Variants in TTN observed in about 807,000 individuals in gnomAD.
The protein encoded by TTN is connectin.
TTN carries 1,525 observed loss-of-function variants against 3,223.0 expected under a neutral mutation model. The observed-to-expected ratio is 0.47, with a 90% CI of 0.45 to 0.49. The LOEUF (loss-of-function observed/expected upper bound fraction) is 0.49. TTN is among the 20% of genes least tolerant of loss of function. The probability of loss-of-function intolerance (pLI) is 0.00; values close to 1 mark genes in which losing one functional copy is unlikely to be tolerated. For missense variants in TTN, 40,786 were observed against 43,424.0 expected (o/e 0.94, Z 5.40); for synonymous variants, 14,094 against 15,161.0 (o/e 0.93, Z 5.17).
chr2:178,547,665 C>T lies in TTN; in HGVS notation c.93961G>A (p.Val31321Ile), dbSNP rs794729535. The change falls in exon 339 of 363, where the codon GTC becomes ATC. Residue 31321 changes from valine to isoleucine, a missense_variant. Physicochemically the swap from Val to Ile is conservative, Grantham distance 29 (BLOSUM62 3). Coordinates refer to ENST00000589042, the MANE Select transcript of TTN (RefSeq NM_001267550.2). ...GACAGGACACACGATTCAGCTGAGA[C>T]AGATGAGACCTCAATGGGGCCGGTT... ...PVTGPIEVSS[V>I]SAESCVLSWG... 1.2e-6 allele frequency: 2 copies of T among 1,613,918 alleles called. No homozygotes were observed. Among genetic ancestry groups the T allele is most frequent in the Admixed American group, 1.7e-5 (1 of 60,006 alleles).
chr2:178,726,963 C>A (rs1278182152), intron 69 of TTN, 127 bp downstream of exon 69: 5 of 1,004,114 alleles, frequency 5.0e-6, no homozygotes, highest in Non-Finnish European at 5.3e-6. Context: ...GGAAATAATA[C>A]TAGCTCAGAA....
chr2:178,615,776 C>T lies in TTN; in HGVS notation c.48325G>A (p.Val16109Met). 6.2e-7 allele frequency: 1 copy of T among 1,611,340 alleles called. No individual in the cohort carries two copies. Among genetic ancestry groups the T allele is most frequent in the Non-Finnish European group, 8.5e-7 (1 of 1,178,506 alleles). The change falls in exon 258 of 363, where the codon GTG becomes ATG. Residue 16109 changes from valine to methionine, a missense_variant. Coordinates refer to ENST00000589042, the MANE Select transcript of TTN (RefSeq NM_001267550.2). The stretch of plus-strand genomic sequence containing the variant: ...GGAACTGTGAATTCTAGATCAGTCA[C>T]AAAGTCCATAACCTGGGACAAAGAA... ...RKTWTKVMDFVTDLEFTVPDL... is the reference protein window; with the variant it reads ...RKTWTKVMDFMTDLEFTVPDL...
chr2:178,633,119 T>G, intron 233 of TTN, 68 bp downstream of exon 233: 1 of 1,599,106 alleles, frequency 6.3e-7, no homozygotes, highest in East Asian at 2.3e-5. Context: ...TCAAGATATT[T>G]TATGCCTTTT....
chr2:178,688,263 A>T (rs1483963017), intron 126 of TTN, 39 bp from the exon 127 acceptor site: 1 of 1,569,836 alleles, frequency 6.4e-7, no homozygotes. Flanking sequence ...CAGCCTGCTG[A>T]GATACAGATG....
chr2:178,552,337 GTAA>G lies in TTN; in HGVS notation c.90560_90562del (p.Ile30187del). 6.2e-7 allele frequency: 1 copy of G among 1,602,008 alleles called. No homozygotes were observed. Among genetic ancestry groups the G allele is most frequent in the East Asian group, 2.2e-5 (1 of 44,738 alleles). ...CTTCTTGGCATTCTTAATACTCAAA[GTAA>G]TTTTGTTTTCAGTTTTACTGAAGCG... On this transcript the variant is annotated inframe_deletion, in exon 335 of 363. Transcript: ENST00000589042.
Position 178,526,667 on chromosome 2 carries a change from A to AGATT in TTN, c.*341_*344dup, listed in dbSNP as rs1686534432. On this transcript the variant is annotated 3_prime_UTR_variant, in exon 363 of 363. Transcript: ENST00000589042. The stretch of plus-strand genomic sequence containing the variant: ...ACATCAACAGTATGTTGAGGCACAA[A>AGATT]GATTGATTAAATGTTGAGCAGGGTA... 1 of 183,942 alleles carries AGATT rather than the reference A, an allele frequency of 5.4e-6. No individual in the cohort carries two copies. Among genetic ancestry groups the AGATT allele is most frequent in the Non-Finnish European group, 1.1e-5 (1 of 87,616 alleles). The allele number at this position is 183,942 out of a possible 1,614,324, so 11.4% of individuals were successfully genotyped here. A position where few individuals can be genotyped will look rare whatever the true frequency, so the allele number is the denominator to read the frequency against.
In TTN at chr2:178,721,221, C is replaced by T; in HGVS notation, c.22817-19G>A. 9 of 1,559,092 alleles carry T rather than the reference C, an allele frequency of 5.8e-6. No homozygotes were observed. The highest frequency in any genetic ancestry group is 7.8e-6 in the Non-Finnish European group (9 of 1,150,972). On this transcript the variant is annotated intron_variant, in intron 78 of 362. Coordinates refer to ENST00000589042, the MANE Select transcript of TTN (RefSeq NM_001267550.2). ...GGAGGTTCTAGTAAACCAAACAAAACAGTCAGTAAGGGATATTTATTATAC... is the reference window on the plus strand; with the variant it reads ...GGAGGTTCTAGTAAACCAAACAAAATAGTCAGTAAGGGATATTTATTATAC...
chr2:178,595,755 G>A lies in TTN; in HGVS notation c.57599C>T (p.Ser19200Phe). Residue 19200 changes from serine to phenylalanine, a missense_variant, in exon 295 of 363, where the codon TCC becomes TTC. Transcript: ENST00000589042. Reference protein sequence around the residue: ...PFLAHNLTNESCKLTWFSPED... With the variant: ...PFLAHNLTNEFCKLTWFSPED... ...TGGAGAAAACCATGTCAGTTTGCAGGACTCATTGGTTAGGTTGTGAGCTAG... is the reference window on the plus strand; with the variant it reads ...TGGAGAAAACCATGTCAGTTTGCAGAACTCATTGGTTAGGTTGTGAGCTAG... 1 of 1,609,172 alleles carries A rather than the reference G, an allele frequency of 6.2e-7. No individual in the cohort carries two copies. Among genetic ancestry groups the A allele is most frequent in the South Asian group, 1.1e-5 (1 of 89,810 alleles).
At position 178,610,375 on chromosome 2, in the gene TTN, A is replaced by G. The variant is rs781155992; in HGVS notation, c.51151T>C (p.Cys17051Arg). The G allele has an allele frequency of 6.2e-7, 1 of 1,612,592 alleles. No homozygotes were observed. The highest frequency in any genetic ancestry group is 1.1e-5 in the South Asian group (1 of 91,028). Reference sequence around the variant, plus strand: ...ATGTCACTTGCTTTAATATCTTTGCATGGTCCAGGTAGGCCTATTACAAAA... The same window carrying G: ...ATGTCACTTGCTTTAATATCTTTGCGTGGTCCAGGTAGGCCTATTACAAAA... ...NVKVIGLPGP[C>R]KDIKASDITK... Residue 17051 changes from cysteine to arginine, a missense_variant, in exon 271 of 363, where the codon TGC becomes CGC. Transcript: ENST00000589042.
Position 178,592,997 on chromosome 2 carries a change from C to A in TTN, c.59122G>T (p.Gly19708Cys). Residue 19708 changes from glycine to cysteine, a missense_variant, in exon 300 of 363, where the codon GGT becomes TGT. Physicochemically the swap from Gly to Cys is radical, Grantham distance 159. Coordinates refer to ENST00000589042, the MANE Select transcript of TTN (RefSeq NM_001267550.2). ...ATATAACCCAGAATCTTGCTCCCAC[C>A]ATCATGACGTGGTGGCTGCCAAGTT... The part of the protein sequence containing the change: ...DLTWQPPRHD[G>C]GSKILGYIVE... 2.5e-6 allele frequency: 4 copies of A among 1,613,454 alleles called. No individual in the cohort carries two copies. The highest frequency in any genetic ancestry group is 3.4e-6 in the Non-Finnish European group (4 of 1,179,614).
At chr2:178,732,009 G>A (rs1466051216) in intron 57 of TTN, 38 bp from the exon 58 acceptor site, 2 of 1,590,690 alleles carry the variant, frequency 1.3e-6, no homozygotes, top group Admixed American at 3.4e-5. Context: ...TAAGGGAGGA[G>A]GGGTCTGTGC....
Position 178,620,775 on chromosome 2 carries a change from C to G in TTN, c.45835G>C (p.Val15279Leu). The change falls in exon 247 of 363, where the codon GTG becomes CTG. Residue 15279 changes from valine to leucine, a missense_variant. By Grantham distance (32) the Val-to-Leu change is conservative (BLOSUM62 1). Coordinates refer to ENST00000589042, the MANE Select transcript of TTN (RefSeq NM_001267550.2). ...TCACCTCTGTGATTGGTCAAAGACACATTATAGTTGGCTTGGTCATCTAAG... is the reference window on the plus strand; with the variant it reads ...TCACCTCTGTGATTGGTCAAAGACAGATTATAGTTGGCTTGGTCATCTAAG... The part of the protein sequence containing the change: ...AHLDDQANYN[V>L]SLTNHRGENV... 1 of 1,612,800 alleles carries G rather than the reference C, an allele frequency of 6.2e-7. No homozygotes were observed. The highest frequency in any genetic ancestry group is 1.1e-5 in the South Asian group (1 of 91,048).
chr2:178,745,881 A>T (rs750942185), intron 47 of TTN: 1 of 1,612,268 alleles, frequency 6.2e-7, no homozygotes, highest in African/African-American at 1.3e-5. Context: ...ACCACCTGAA[A>T]TTCAAAAAAA....
rs751394805 is a variant in TTN, at chr2:178,549,813, T to C, written c.91909A>G (p.Met30637Val). 4.4e-6 allele frequency: 7 copies of C among 1,605,194 alleles called. No homozygotes were observed. Among genetic ancestry groups the C allele is most frequent in the Non-Finnish European group, 6.0e-6 (7 of 1,173,540 alleles). ...AGTGGGGCATCCCACCACAGAGTCA[T>C]CTTCTCCCCAGTAATATTGGTGAAT... Reference protein sequence around the residue: ...IRFTNITGEKMTLWWDAPLND... With the variant: ...IRFTNITGEKVTLWWDAPLND... Residue 30637 changes from methionine to valine, a missense_variant, in exon 338 of 363, where the codon ATG (methionine) becomes GTG (valine). Transcript: ENST00000589042.
Position 178,724,527 on chromosome 2 carries a change from T to C in TTN, c.20848A>G (p.Ile6950Val), listed in dbSNP as rs549440035. 1.9e-6 allele frequency: 3 copies of C among 1,593,066 alleles called. No homozygotes were observed. Among genetic ancestry groups the C allele is most frequent in the African/African-American group, 2.7e-5 (2 of 74,306 alleles). The change falls in exon 72 of 363, where the codon ATT (isoleucine) becomes GTT (valine). Residue 6950 changes from isoleucine (I) to valine (V), a missense_variant. Coordinates refer to ENST00000589042, the MANE Select transcript of TTN (RefSeq NM_001267550.2). ...GTCATCGGTCCTGCCTTCTCAACAA[T>C]GACTGCGGGCTCTGAAATAAAACGT... ...ATLMVLEPAV[I>V]VEKAGPMTVT...
In TTN at chr2:178,560,948, C is replaced by A. The variant is rs2154159192; in HGVS notation, c.85184G>T (p.Gly28395Val). Reference sequence around the variant, plus strand: ...TCTTGCTCTTTCTTCAATTTCTATACCATCCTTGGCCCAGGAAATTACTGG... The same window carrying A: ...TCTTGCTCTTTCTTCAATTTCTATAACATCCTTGGCCCAGGAAATTACTGG... ...PLPVISWAKD[G>V]IEIEERARTE... The change falls in exon 326 of 363, where the codon GGT (glycine) becomes GTT (valine). Residue 28395 changes from glycine to valine, a missense_variant. Physicochemically the swap from Gly to Val is moderately radical, Grantham distance 109. Coordinates refer to ENST00000589042, the MANE Select transcript of TTN (RefSeq NM_001267550.2). The A allele has an allele frequency of 1.2e-6, 2 of 1,613,804 alleles. No individual in the cohort carries two copies. Among genetic ancestry groups the A allele is most frequent in the Non-Finnish European group, 8.5e-7 (1 of 1,179,804 alleles).
rs2163009 is a variant in TTN at position 178,590,480 on chromosome 2, T to C, written c.61245A>G (p.Thr20415=). Residue 20415 remains threonine (T), a synonymous_variant, in exon 304 of 363, where the codon ACA becomes ACG. Coordinates refer to ENST00000589042, the MANE Select transcript of TTN (RefSeq NM_001267550.2). ...GYVVECQKPG[T]AQWNRINKDE... is the part of the protein sequence containing the mutation. The stretch of plus-strand genomic sequence containing the variant: ...CTTTATTAATCCTGTTCCATTGTGC[T>C]GTGCCAGGTTTCTGACATTCCACTA... 0.28 allele frequency: 449,935 copies of C among 1,612,664 alleles called. 75,669 individuals carry two copies. The highest frequency in any genetic ancestry group is 0.7 in the East Asian group (31,293 of 44,742).
Position 178,723,914 on chromosome 2 carries a change from T to A in TTN, c.21345A>T (p.Thr7115=), listed in dbSNP as rs758613310. The change falls in exon 73 of 363, where the codon ACA becomes ACT. Residue 7115 remains threonine (T), a synonymous_variant. Transcript: ENST00000589042. Reference sequence around the variant, plus strand: ...ACCCAGCGACATTAGCAGCCACGCATGTGTAATTGCCCATATCTGAGGAAT... The same window carrying A: ...ACCCAGCGACATTAGCAGCCACGCAAGTGTAATTGCCCATATCTGAGGAAT... The part of the protein sequence containing the change: ...SLDSSDMGNY[T]CVAANVAGSD... 2 of 1,613,510 alleles carry A rather than the reference T, an allele frequency of 1.2e-6. No homozygotes were observed. Among genetic ancestry groups the A allele is most frequent in the Non-Finnish European group, 1.7e-6 (2 of 1,179,534 alleles).
chr2:178,610,890 G>T, intron 270 of TTN, 103 bp downstream of exon 270: 2 of 1,383,736 alleles, frequency 1.4e-6, no homozygotes, highest in Non-Finnish European at 2.0e-6. Context: ...TAGTTTACAA[G>T]TGGCCAGTTC....
Sources: gnomAD v4.1 joint callset for allele counts on GRCh38, gnomAD v4.1.1 for gene constraint, MANE v1.5 for transcripts, NCBI Gene and HGNC (gene_info 2026-07-23, HGNC 2026-07-21) for gene names.